ZFPM2: variants seen among roughly 807,000 people sequenced by gnomAD.
The protein encoded by ZFPM2 is zinc finger protein, FOG family member 2, also known as zinc finger protein ZFPM2.
Under a neutral mutation model 98.6 loss-of-function variants are expected in ZFPM2, and 20 were observed. The ratio of observed to expected loss-of-function variants is 0.20; its 90% CI spans 0.14 to 0.29. The LOEUF (loss-of-function observed/expected upper bound fraction) is 0.29. ZFPM2 is among the 10% of genes least tolerant of loss of function. The pLI, the probability that ZFPM2 is intolerant of heterozygous loss-of-function variation, is 1.00. For missense variants in ZFPM2, 1,310 were observed against 1,388.6 expected (o/e 0.94, Z 0.90); for synonymous variants, 518 against 502.7 (o/e 1.03, Z -0.41).
intron 1 of ZFPM2, among the ~76,000 whole-genome samples, chr8:105,402,908 A>C (rs956823244): frequency 2.0e-5 from 3 of 152,088 alleles, no homozygotes; most frequent in Admixed American, 2.0e-4. Context: ...TTTGGTCAAC[A>C]TTACACATAA....
chr8:105,497,796 G>A (rs1315447405), intron 3 of ZFPM2, among the ~76,000 whole-genome samples: 2 of 152,082 alleles, frequency 1.3e-5, no homozygotes, highest in Admixed American at 6.6e-5. Context: ...AGGAAATTGA[G>A]TGACAACTTT....
intron 1 of ZFPM2, among the ~76,000 whole-genome samples, chr8:105,383,722 A>G (rs1428332670): frequency 2.6e-5 from 4 of 152,170 alleles, no homozygotes; most frequent in Non-Finnish European, 5.9e-5. Context: ...GTTGCATGCT[A>G]TTTTAGCCTT....
intron 5 of ZFPM2, among the ~76,000 whole-genome samples, chr8:105,712,508 AG>A (rs1811425241): frequency 6.6e-6 from 1 of 150,530 alleles, no homozygotes; most frequent in Admixed American, 6.7e-5. Context: ...CCAGCTTGTA[AG>A]AGCCAGTCAT....
chr8:105,655,516 C>T (rs1197289805), intron 5 of ZFPM2, among the ~76,000 whole-genome samples: 1 of 152,170 alleles, frequency 6.6e-6, no homozygotes, highest in Admixed American at 6.5e-5. Flanking sequence ...CAGGCATCAG[C>T]CACCACCCCC....
intron 3 of ZFPM2, among the ~76,000 whole-genome samples, chr8:105,478,158 A>T (rs1444197009): frequency 1.3e-5 from 2 of 152,136 alleles, no homozygotes; most frequent in Non-Finnish European, 2.9e-5. Context: ...ACGGGAATGG[A>T]AGCTCACACA....
intron 6 of ZFPM2, among the ~76,000 whole-genome samples, chr8:105,792,015 A>G (rs1234414936): frequency 6.6e-6 from 1 of 151,798 alleles, no homozygotes; most frequent in Non-Finnish European, 1.5e-5. Flanking sequence ...CGGTCTATCA[A>G]TTTTGTTGAT....
chr8:105,463,749 AT>A (rs530129718), intron 3 of ZFPM2, among the ~76,000 whole-genome samples: 7 of 151,246 alleles, frequency 4.6e-5, no homozygotes, highest in African/African-American at 1.5e-4. Context: ...AGGCTGTTAC[AT>A]TTTTTTTTCC....
intron 5 of ZFPM2, among the ~76,000 whole-genome samples, chr8:105,727,501 A>G (rs1230488764): frequency 6.6e-6 from 1 of 151,806 alleles, no homozygotes; most frequent in African/African-American, 2.4e-5. Flanking sequence ...AATGAAATAA[A>G]GTTTTACTCC....
chr8:105,775,988 G>A lies in ZFPM2; in HGVS notation c.533-12730G>A, dbSNP rs73306837. On this transcript the variant is annotated intron_variant, in intron 5 of 7. Coordinates refer to ENST00000407775, the MANE Select transcript of ZFPM2 (RefSeq NM_012082.4). ...TGAGCTTATGCTTCAGTAGAAATCC[G>A]GGCCTGATGACAATGACTCTGTTTA... Among the ~76,000 whole-genome samples the A allele has an allele frequency of 7.9e-3, 1,200 of 152,020 alleles. 20 individuals carry two copies. The highest frequency in any genetic ancestry group is 0.026 in the African/African-American group (1,095 of 41,428).
At chr8:105,590,369 A>C (rs1371033809) in intron 4 of ZFPM2, among the ~76,000 whole-genome samples, 1 of 152,200 alleles carries the variant, frequency 6.6e-6, no homozygotes, top group Non-Finnish European at 1.5e-5. Flanking sequence ...CACAATATTC[A>C]GGGCCAAAAT....
chr8:105,427,968 T>A (rs1352155316), intron 2 of ZFPM2, among the ~76,000 whole-genome samples: 1 of 152,204 alleles, frequency 6.6e-6, no homozygotes, highest in Non-Finnish European at 1.5e-5. Flanking sequence ...CAGCTTACTG[T>A]CCTACACGGT....
At chr8:105,612,407 C>T (rs1205770771) in intron 4 of ZFPM2, among the ~76,000 whole-genome samples, 1 of 151,670 alleles carries the variant, frequency 6.6e-6, no homozygotes, top group Non-Finnish European at 1.5e-5. Flanking sequence ...ATATTGAAGC[C>T]CCTGAGAGGT....
At chr8:105,771,228 G>A (rs1812972910) in intron 5 of ZFPM2, among the ~76,000 whole-genome samples, 1 of 151,994 alleles carries the variant, frequency 6.6e-6, no homozygotes, top group Non-Finnish European at 1.5e-5. Context: ...CTCTGAAGAG[G>A]ATCCCCACTG....
intron 3 of ZFPM2, among the ~76,000 whole-genome samples, chr8:105,534,122 C>T (rs1456895713): frequency 7.5e-5 from 2 of 26,508 alleles, no homozygotes; most frequent in Non-Finnish European, 1.3e-4. Context: ...TTCCTCCCTT[C>T]CTTCCTCCCT....
In ZFPM2 at chr8:105,759,248, A is replaced by G. The variant is rs114532594; in HGVS notation, c.533-29470A>G. The stretch of plus-strand genomic sequence containing the variant: ...GTGTACTAGCCTTTTAATTTTAAAG[A>G]TGAACAAAATGGGGCCCAGGGAAAT... On this transcript the variant is annotated intron_variant, in intron 5 of 7. Transcript: ENST00000407775. 4.8e-3 allele frequency among the ~76,000 whole-genome samples: 731 copies of G among 152,250 alleles called. 5 individuals carry two copies. The highest frequency in any genetic ancestry group is 0.017 in the African/African-American group (691 of 41,554).
chr8:105,730,667 G>T (rs1433745091), intron 5 of ZFPM2, among the ~76,000 whole-genome samples: 8 of 151,484 alleles, frequency 5.3e-5, no homozygotes, highest in Non-Finnish European at 1.5e-5. Context: ...TTCTTTTTAG[G>T]ATGGCATATT....
At chr8:105,455,556 T>C (rs1305699870) in intron 3 of ZFPM2, among the ~76,000 whole-genome samples, 3 of 150,102 alleles carry the variant, frequency 2.0e-5, no homozygotes, top group Non-Finnish European at 4.4e-5. Flanking sequence ...TGAAGACATA[T>C]AATTCAGAGA....
At chr8:105,543,297 G>T (rs1814620190) in intron 3 of ZFPM2, among the ~76,000 whole-genome samples, 2 of 152,094 alleles carry the variant, frequency 1.3e-5, no homozygotes, top group African/African-American at 2.4e-5. Flanking sequence ...GCCAGCCTGG[G>T]CAACACGGTG....
At chr8:105,627,867 A>G (rs576352652) in intron 4 of ZFPM2, among the ~76,000 whole-genome samples, 4 of 152,354 alleles carry the variant, frequency 2.6e-5, no homozygotes, top group Admixed American at 2.0e-4. Context: ...AGATCTGGAA[A>G]TTGAAGAGTT....
Sources: gnomAD v4.1 joint callset for allele counts (sites outside exome capture counted in the v4.1 genomes callset) on GRCh38, gnomAD v4.1.1 for gene constraint, MANE v1.5 for transcripts, NCBI Gene and HGNC (gene_info 2026-07-23, HGNC 2026-07-21) for gene names.